Variants in FHOD3 observed in about 807,000 individuals in gnomAD.
The protein encoded by FHOD3 is formin homology 2 domain containing 3.
In FHOD3, 90 loss-of-function variants were observed where a neutral mutation model predicts 173.0. That is an observed-to-expected ratio of 0.52 (90% CI 0.44 to 0.62). FHOD3 has a LOEUF of 0.62. Among genes scored for constraint, FHOD3 ranks in the 20% least tolerant of loss-of-function variants. The pLI, the probability that FHOD3 is intolerant of heterozygous loss-of-function variation, is 0.00. For synonymous variants in FHOD3, 828 were observed against 823.0 expected, an observed-to-expected ratio of 1.01 and a Z score of -0.10; for missense variants, 1,945 against 2,034.7, an observed-to-expected ratio of 0.96 and a Z score of 0.85.
intron 6 of FHOD3, among the ~76,000 whole-genome samples, chr18:36,585,964 A>G (rs938816234): frequency 6.6e-6 from 1 of 152,160 alleles, no homozygotes; most frequent in Non-Finnish European, 1.5e-5. Flanking sequence ...GGGAGCCTGC[A>G]GGGTTCTGCC....
At chr18:36,477,274 G>A (rs975373613) in intron 3 of FHOD3, among the ~76,000 whole-genome samples, 1 of 152,116 alleles carries the variant, frequency 6.6e-6, no homozygotes, top group African/African-American at 2.4e-5. Context: ...TTAGACTGGG[G>A]CAGGAAACAG....
At chr18:36,676,481 AT>A (rs1448355547) in intron 14 of FHOD3, among the ~76,000 whole-genome samples, 1 of 152,254 alleles carries the variant, frequency 6.6e-6, no homozygotes, top group African/African-American at 2.4e-5. Flanking sequence ...ACTGCAACAT[AT>A]AGAATTATTT....
At chr18:36,346,407 A>T (rs549469097) in intron 1 of FHOD3, among the ~76,000 whole-genome samples, 4 of 152,142 alleles carry the variant, frequency 2.6e-5, no homozygotes, top group African/African-American at 9.6e-5. Context: ...CCAGATCCTC[A>T]TTTTATCCCA....
chr18:36,635,027 C>A (rs1179679644), intron 10 of FHOD3, among the ~76,000 whole-genome samples: 2 of 152,058 alleles, frequency 1.3e-5, no homozygotes, highest in Admixed American at 6.6e-5. Flanking sequence ...GACCTCCTGA[C>A]AAAAGTATGA....
At chr18:36,404,933 A>G (rs2048989160) in intron 3 of FHOD3, among the ~76,000 whole-genome samples, 1 of 152,198 alleles carries the variant, frequency 6.6e-6, no homozygotes, top group African/African-American at 2.4e-5. Context: ...GATCTAATAG[A>G]TGATAATACC....
Position 36,692,926 on chromosome 18 carries a change from C to T in FHOD3, c.2022-283C>T. ...TGTTTTGCTTATTTACAAATGTTCCCTAAAAGAGCAAGATAGGATTCTGCA... is the reference window on the plus strand; with the variant it reads ...TGTTTTGCTTATTTACAAATGTTCCTTAAAAGAGCAAGATAGGATTCTGCA... On this transcript the variant is annotated intron_variant, in intron 16 of 28. Transcript: ENST00000590592. 6.7e-6 allele frequency: 3 copies of T among 445,000 alleles called. No homozygotes were observed. In the South Asian group the frequency reaches 8.3e-5, roughly 12 times the overall value. 27.6% of individuals were successfully genotyped at this position (445,000 alleles called of 1,614,324 possible). A position where few individuals can be genotyped will look rare whatever the true frequency, so the allele number is the denominator to read the frequency against.
At chr18:36,442,327 GAAGAT>G (rs1382092073) in intron 3 of FHOD3, among the ~76,000 whole-genome samples, 17 of 152,048 alleles carry the variant, frequency 1.1e-4, no homozygotes, top group Admixed American at 1.1e-3. Flanking sequence ...TTATCATACA[GAAGAT>G]AAGATAATTT....
At chr18:36,608,957 A>G (rs1016943203) in intron 8 of FHOD3, among the ~76,000 whole-genome samples, 9 of 152,260 alleles carry the variant, frequency 5.9e-5, no homozygotes, top group African/African-American at 2.2e-4. Context: ...TAGAGCTGCT[A>G]TGAACATTCA....
At chr18:36,722,167 C>T (rs1423873355) in intron 19 of FHOD3, among the ~76,000 whole-genome samples, 1 of 152,102 alleles carries the variant, frequency 6.6e-6, no homozygotes, top group Non-Finnish European at 1.5e-5. Context: ...AAATCCTGTG[C>T]TAAATTTCAT....
chr18:36,729,674 A>G (rs940263672), intron 19 of FHOD3, among the ~76,000 whole-genome samples: 4 of 152,218 alleles, frequency 2.6e-5, no homozygotes, highest in African/African-American at 9.6e-5. Context: ...CAGTCCCGTC[A>G]TGAGGATCCC....
intron 5 of FHOD3, among the ~76,000 whole-genome samples, chr18:36,531,452 A>C (rs139215048): frequency 6.6e-6 from 1 of 152,148 alleles, no homozygotes; most frequent in East Asian, 1.9e-4. Context: ...AAAACACTCT[A>C]GTGGTTGAGA....
At chr18:36,308,621 C>T (rs967030667) in intron 1 of FHOD3, among the ~76,000 whole-genome samples, 2 of 152,196 alleles carry the variant, frequency 1.3e-5, no homozygotes, top group African/African-American at 4.8e-5. Flanking sequence ...CACTGAGCAC[C>T]TTCGGACCCA....
intron 14 of FHOD3, among the ~76,000 whole-genome samples, chr18:36,659,033 A>T (rs2036605600): frequency 1.3e-5 from 2 of 152,188 alleles, no homozygotes; most frequent in Admixed American, 1.3e-4. Flanking sequence ...AGGAATCTAG[A>T]CATGAGCGAC....
At chr18:36,436,362 G>C (rs1306853190) in intron 3 of FHOD3, among the ~76,000 whole-genome samples, 1 of 152,128 alleles carries the variant, frequency 6.6e-6, no homozygotes, top group Admixed American at 6.5e-5. Flanking sequence ...TGGGATTGCA[G>C]TGAAAGTGAA....
intron 1 of FHOD3, among the ~76,000 whole-genome samples, chr18:36,305,001 TAATGTACATGAA>T (rs1472997415): frequency 3.9e-4 from 59 of 152,346 alleles, no homozygotes; most frequent in African/African-American, 1.3e-3. Flanking sequence ...AGTGATGCTT[TAATGTACATGAA>T]AATGTAAGTT....
At chr18:36,677,463 T>C (rs2037939898) in intron 14 of FHOD3, among the ~76,000 whole-genome samples, 1 of 152,224 alleles carries the variant, frequency 6.6e-6, no homozygotes, top group Non-Finnish European at 1.5e-5. Context: ...TTTTGTTTTA[T>C]ATGGCTAAAA....
At chr18:36,480,596 T>A (rs2053829664) in intron 3 of FHOD3, among the ~76,000 whole-genome samples, 1 of 152,248 alleles carries the variant, frequency 6.6e-6, no homozygotes, top group African/African-American at 2.4e-5. Context: ...AGGTTTGCAG[T>A]TTCTGTAAGG....
chr18:36,443,715 G>A (rs763771952), intron 3 of FHOD3, among the ~76,000 whole-genome samples: 44 of 152,090 alleles, frequency 2.9e-4, no homozygotes, highest in Non-Finnish European at 5.3e-4. Context: ...CTGAGATCAC[G>A]GAGCTAGGAA....
intron 13 of FHOD3, among the ~76,000 whole-genome samples, chr18:36,657,474 G>A (rs1396146412): frequency 1.3e-5 from 2 of 152,164 alleles, no homozygotes; most frequent in Admixed American, 1.3e-4. Flanking sequence ...AAACCTCATG[G>A]CTGTAATTTT....
Sources: gnomAD v4.1 joint callset for allele counts (sites outside exome capture counted in the v4.1 genomes callset) on GRCh38, gnomAD v4.1.1 for gene constraint, MANE v1.5 for transcripts, NCBI Gene and HGNC (gene_info 2026-07-23, HGNC 2026-07-21) for gene names.